PCSK2: variants seen among roughly 807,000 people sequenced by gnomAD.
The protein encoded by PCSK2 is neuroendocrine convertase 2.
A neutral mutation model predicts 69.7 loss-of-function variants in PCSK2; 14 were observed. The observed-to-expected ratio is 0.20, with a 90% CI of 0.13 to 0.31. The LOEUF (loss-of-function observed/expected upper bound fraction) is 0.31. PCSK2 is among the 10% of genes least tolerant of loss of function. The pLI is 1.00. For missense variants in PCSK2, 544 were observed against 842.5 expected, an observed-to-expected ratio of 0.65 and a Z score of 4.39; for synonymous variants, 307 against 320.7, an observed-to-expected ratio of 0.96 and a Z score of 0.46.
At chr20:17,473,488 T>A (rs1036217714) in intron 11 of PCSK2, among the ~76,000 whole-genome samples, 8 of 152,230 alleles carry the variant, frequency 5.3e-5, no homozygotes. Context: ...CTATTTAAAA[T>A]GTTTCTGCAG....
chr20:17,453,012 C>T lies in PCSK2; in HGVS notation c.886-730C>T, dbSNP rs2032854847. Reference sequence around the variant, plus strand: ...AAGGTTTTATTCACTGTGTGTTTTACTTGATCATATTAGACTTTCCTCCTA... The same window carrying T: ...AAGGTTTTATTCACTGTGTGTTTTATTTGATCATATTAGACTTTCCTCCTA... On this transcript the variant is annotated intron_variant, in intron 8 of 11. Coordinates refer to ENST00000262545, the MANE Select transcript of PCSK2 (RefSeq NM_002594.5). The surrounding 1 kb of genome is among the most constrained non-coding windows in gnomAD (Gnocchi z 4.0). Among the ~76,000 whole-genome samples the T allele has an allele frequency of 6.6e-6, 1 of 152,214 alleles. No homozygotes were observed. The highest frequency in any genetic ancestry group is 1.9e-4 in the East Asian group (1 of 5,204).
intron 2 of PCSK2, among the ~76,000 whole-genome samples, chr20:17,285,114 A>T (rs191209522): frequency 6.6e-6 from 1 of 152,298 alleles, no homozygotes; most frequent in Non-Finnish European, 1.5e-5. Context: ...AAGGCTGATT[A>T]TTTACTCTTA....
intron 6 of PCSK2, among the ~76,000 whole-genome samples, chr20:17,421,378 C>G (rs1438487701): frequency 2.6e-5 from 4 of 152,126 alleles, no homozygotes; most frequent in Non-Finnish European, 5.9e-5. Flanking sequence ...CTATTCATTT[C>G]TCATCTATTC....
At chr20:17,266,781 C>T (rs1987623408) in intron 2 of PCSK2, among the ~76,000 whole-genome samples, 1 of 152,110 alleles carries the variant, frequency 6.6e-6, no homozygotes, top group Admixed American at 6.5e-5. Context: ...GGCAAAGGAA[C>T]CGGACCTTTG....
intron 2 of PCSK2, among the ~76,000 whole-genome samples, chr20:17,272,308 A>G (rs1389986733): frequency 1.3e-5 from 2 of 152,088 alleles, no homozygotes. Flanking sequence ...TTTAAAAGCT[A>G]TTCTTCTATT....
At chr20:17,254,078 A>G (rs1400230102) in intron 1 of PCSK2, among the ~76,000 whole-genome samples, 1 of 152,174 alleles carries the variant, frequency 6.6e-6, no homozygotes. Flanking sequence ...TTATTGTTGA[A>G]TTGTAAACAT....
rs146050485 is a variant in PCSK2, at chr20:17,296,016, A to C, written c.282+35672A>C. Among the ~76,000 whole-genome samples the C allele has an allele frequency of 4.6e-3, 702 of 152,346 alleles. 5 individuals are homozygous for C. Among genetic ancestry groups the C allele is most frequent in the African/African-American group, 0.016 (663 of 41,578 alleles). On this transcript the variant is annotated intron_variant, in intron 2 of 11. Coordinates refer to ENST00000262545, the MANE Select transcript of PCSK2 (RefSeq NM_002594.5). Reference sequence around the variant, plus strand: ...AAGCCATGCCAGCTTCTAAGGGTACACAAAGTTATAGTTCCATAACCTCAG... The same window carrying C: ...AAGCCATGCCAGCTTCTAAGGGTACCCAAAGTTATAGTTCCATAACCTCAG...
chr20:17,383,980 T>C (rs768437412), intron 5 of PCSK2, among the ~76,000 whole-genome samples: 2 of 152,344 alleles, frequency 1.3e-5, no homozygotes, highest in Non-Finnish European at 2.9e-5. Context: ...ACTCATCCCA[T>C]TGTGTTGAAA....
chr20:17,453,906 C>T lies in PCSK2; in HGVS notation c.1050C>T (p.Thr350=). 6.2e-7 allele frequency: 1 copy of T among 1,614,240 alleles called. No homozygotes were observed. The highest frequency in any genetic ancestry group is 8.5e-7 in the Non-Finnish European group (1 of 1,180,038). The change falls in exon 9 of 12, where the codon ACC becomes ACT. Residue 350 remains threonine (T), a synonymous_variant. Transcript: ENST00000262545. The surrounding 1 kb of genome is among the most constrained non-coding windows in gnomAD (Gnocchi z 4.0). ...TALYDESCSS[T]LASTFSNGRK... ...TGTACGACGAGAGCTGCTCTTCCACCTTGGCTTCCACCTTCAGCAACGGGA... is the reference window on the plus strand; with the variant it reads ...TGTACGACGAGAGCTGCTCTTCCACTTTGGCTTCCACCTTCAGCAACGGGA...
chr20:17,316,002 A>G (rs1244886932), intron 2 of PCSK2, among the ~76,000 whole-genome samples: 2 of 152,196 alleles, frequency 1.3e-5, no homozygotes, highest in African/African-American at 4.8e-5. Flanking sequence ...GCTGGGAGCG[A>G]GTGCGCCACA....
At chr20:17,422,022 T>A (rs892990141) in intron 6 of PCSK2, among the ~76,000 whole-genome samples, 3 of 152,062 alleles carry the variant, frequency 2.0e-5, no homozygotes, top group Non-Finnish European at 2.9e-5. Flanking sequence ...GAGTGATAAA[T>A]GCATGGGTGA....
chr20:17,423,197 G>A (rs1336734408), intron 6 of PCSK2, among the ~76,000 whole-genome samples: 1 of 152,146 alleles, frequency 6.6e-6, no homozygotes, highest in Non-Finnish European at 1.5e-5. Context: ...ATGTTTTAGG[G>A]AGACATAAGA....
At chr20:17,391,688 C>T (rs1600542692) in intron 5 of PCSK2, among the ~76,000 whole-genome samples, 1 of 152,058 alleles carries the variant, frequency 6.6e-6, no homozygotes, top group East Asian at 1.9e-4. Flanking sequence ...ACAGTGGGAC[C>T]CCATCTCTAC....
chr20:17,434,105 T>C (rs754558513), intron 7 of PCSK2, among the ~76,000 whole-genome samples: 3 of 142,672 alleles, frequency 2.1e-5, no homozygotes, highest in Non-Finnish European at 4.6e-5. Flanking sequence ...TCTCCCACTC[T>C]CTCCTTCTCC....
Position 17,323,395 on chromosome 20 carries a change from C to T in PCSK2, c.283-34932C>T, listed in dbSNP as rs567304232. Reference sequence around the variant, plus strand: ...ATGCCAACACCTTGATCTCGGACTTCCAGCCTCCAGAACTGTGGGCAAATA... The same window carrying T: ...ATGCCAACACCTTGATCTCGGACTTTCAGCCTCCAGAACTGTGGGCAAATA... On this transcript the variant is annotated intron_variant, in intron 2 of 11. Transcript: ENST00000262545. Among the ~76,000 whole-genome samples the T allele has an allele frequency of 2.6e-5, 4 of 152,320 alleles. No homozygotes were observed. In the East Asian group the frequency reaches 7.7e-4, roughly 29 times the overall value.
At chr20:17,340,737 G>C (rs1170968248) in intron 2 of PCSK2, among the ~76,000 whole-genome samples, 1 of 152,150 alleles carries the variant, frequency 6.6e-6, no homozygotes, top group East Asian at 1.9e-4. Flanking sequence ...TGAATCTTCA[G>C]CAGAATGTTC....
intron 2 of PCSK2, among the ~76,000 whole-genome samples, chr20:17,301,447 A>G (rs182845664): frequency 1.6e-4 from 25 of 152,306 alleles, no homozygotes; most frequent in African/African-American, 5.1e-4. Flanking sequence ...ATAATTTTAA[A>G]TGTGTGTGAG....
intron 4 of PCSK2, 118 bp from the exon 5 acceptor site, chr20:17,369,122 C>T: frequency 1.2e-6 from 1 of 809,722 alleles, no homozygotes; most frequent in Non-Finnish European, 2.1e-6. Context: ...GCACTCACCC[C>T]CATGGCAAGC....
At chr20:17,332,146 CAA>C (rs1254840369) in intron 2 of PCSK2, among the ~76,000 whole-genome samples, 5 of 152,144 alleles carry the variant, frequency 3.3e-5, no homozygotes, top group Non-Finnish European at 5.9e-5. Flanking sequence ...GTGTTCACAG[CAA>C]TATAGACAGT....
Sources: gnomAD v4.1 joint callset for allele counts (sites outside exome capture counted in the v4.1 genomes callset) on GRCh38, gnomAD v4.1.1 for gene constraint, Gnocchi (gnomAD v3.1) non-coding constraint, MANE v1.5 for transcripts, NCBI Gene and HGNC (gene_info 2026-07-23, HGNC 2026-07-21) for gene names.